GLIS3: variants seen among roughly 807,000 people sequenced by gnomAD.
The protein encoded by GLIS3 is zinc finger protein GLIS3.
Under a neutral mutation model 78.6 loss-of-function variants are expected in GLIS3, and 53 were observed. The ratio of observed to expected loss-of-function variants is 0.67; its 90% CI spans 0.54 to 0.85. GLIS3 has a LOEUF of 0.85. Ranked by LOEUF, GLIS3 falls within the 40% of genes least tolerant of loss-of-function variation. The pLI is 0.00. For synonymous variants in GLIS3, 684 were observed against 509.9 expected, an observed-to-expected ratio of 1.34 and a Z score of -4.60; for missense variants, 1,703 against 1,231.1, an observed-to-expected ratio of 1.38 and a Z score of -5.74.
At chr9:4,270,594 C>G (rs1359497741) in intron 2 of GLIS3, among the ~76,000 whole-genome samples, 1 of 152,188 alleles carries the variant, frequency 6.6e-6, no homozygotes, top group East Asian at 1.9e-4. Flanking sequence ...CCAGAGGTCA[C>G]ACAGGCCTTT....
chr9:4,410,870 C>T, the GLIS3 span, among the ~76,000 whole-genome samples: 1 of 152,124 alleles, frequency 6.6e-6, no homozygotes, highest in Non-Finnish European at 1.5e-5. Flanking sequence ...TTAGTTTTAG[C>T]CACCAGGAAG....
chr9:4,331,042 C>G (rs189311259), intron 2 of GLIS3, among the ~76,000 whole-genome samples: 1 of 152,300 alleles, frequency 6.6e-6, no homozygotes, highest in Admixed American at 6.5e-5. Context: ...CCTGAGCCAT[C>G]TGTATTTGTT....
At chr9:4,214,974 G>C (rs1820689566) in intron 2 of GLIS3, among the ~76,000 whole-genome samples, 1 of 152,220 alleles carries the variant, frequency 6.6e-6, no homozygotes, top group South Asian at 2.1e-4. Flanking sequence ...AGAGTTAAGT[G>C]AGAGAGGGTG....
At chr9:3,873,679 A>T (rs1049687053) in intron 8 of GLIS3, among the ~76,000 whole-genome samples, 16 of 146,546 alleles carry the variant, frequency 1.1e-4, no homozygotes, top group African/African-American at 4.4e-4. Flanking sequence ...AAATAAAGAA[A>T]ATAAAGTCAA....
intron 2 of GLIS3, among the ~76,000 whole-genome samples, chr9:4,334,904 C>CTTTTT (rs56017714): frequency 3.4e-4 from 36 of 107,016 alleles, no homozygotes; most frequent in African/African-American, 1.1e-3. Flanking sequence ...TCATTTCCAC[C>CTTTTT]TTTTTTTTTT....
At chr9:4,156,903 C>A (rs1018999492) in intron 2 of GLIS3, among the ~76,000 whole-genome samples, 3 of 152,178 alleles carry the variant, frequency 2.0e-5, no homozygotes, top group African/African-American at 7.2e-5. Flanking sequence ...TCAGCATCAT[C>A]CTGGAGCTTG....
chr9:3,931,333 A>T (rs1264451625), intron 6 of GLIS3, among the ~76,000 whole-genome samples: 1 of 152,168 alleles, frequency 6.6e-6, no homozygotes, highest in African/African-American at 2.4e-5. Context: ...ATTTCCCAAC[A>T]TAAAAGTGTT....
the GLIS3 span, among the ~76,000 whole-genome samples, chr9:4,414,963 TG>T: frequency 6.6e-6 from 1 of 152,226 alleles, no homozygotes; most frequent in Non-Finnish European, 1.5e-5. Flanking sequence ...AATCCCCACT[TG>T]TTCTTGTATT....
At chr9:4,432,839 T>C in the GLIS3 span, among the ~76,000 whole-genome samples, 1 of 151,766 alleles carries the variant, frequency 6.6e-6, no homozygotes, top group Non-Finnish European at 1.5e-5. Flanking sequence ...TGCAGTTTCA[T>C]CACGTTGCCC....
Position 4,286,263 on chromosome 9 carries a change from C to T in GLIS3, c.163G>A (p.Ala55Thr), listed in dbSNP as rs1220228660. The change falls in exon 2 of 11, where the codon GCT (alanine) becomes ACT (threonine). Residue 55 changes from alanine to threonine, a missense_variant. Coordinates refer to ENST00000381971, the MANE Select transcript of GLIS3 (RefSeq NM_001042413.2). ...GGCATCTTGAGATGGAGGTTGTTAG[C>T]AAGGCTTGCCATAGTGGGACTCGAT... Reference protein sequence around the residue: ...STSSPTMASLANNLHLKMPSG... With the variant: ...STSSPTMASLTNNLHLKMPSG... 7.4e-6 allele frequency: 12 copies of T among 1,614,234 alleles called. No individual in the cohort carries two copies. The highest frequency in any genetic ancestry group is 1.0e-5 in the Non-Finnish European group (12 of 1,180,042).
At chr9:4,292,934 G>C (rs2130405004) in intron 1 of GLIS3, among the ~76,000 whole-genome samples, 1 of 152,312 alleles carries the variant, frequency 6.6e-6, no homozygotes, top group East Asian at 1.9e-4. Context: ...TGATGTCACT[G>C]CTGAATTAAT....
At chr9:4,154,593 A>G (rs1382697232) in intron 2 of GLIS3, among the ~76,000 whole-genome samples, 1 of 130,400 alleles carries the variant, frequency 7.7e-6, no homozygotes, top group Non-Finnish European at 1.6e-5. Flanking sequence ...TTACATAAAC[A>G]GTCCTTGCGA....
intron 2 of GLIS3, among the ~76,000 whole-genome samples, chr9:4,322,078 T>C (rs1817537248): frequency 6.6e-6 from 1 of 152,098 alleles, no homozygotes; most frequent in Non-Finnish European, 1.5e-5. Context: ...CCGCCCTGTG[T>C]CCAAGTGTTC....
intron 2 of GLIS3, among the ~76,000 whole-genome samples, chr9:4,220,633 C>G (rs1821247484): frequency 6.6e-6 from 1 of 152,006 alleles, no homozygotes. Context: ...TGAGGCATGT[C>G]TGGAGTCCCA....
chr9:3,926,936 T>G (rs1408636446), intron 6 of GLIS3, among the ~76,000 whole-genome samples: 1 of 152,218 alleles, frequency 6.6e-6, no homozygotes, highest in East Asian at 1.9e-4. Flanking sequence ...CATTTCTAAA[T>G]TAGTCATTTG....
Position 4,284,518 on chromosome 9 carries a change from G to A in GLIS3, c.388+1520C>T, listed in dbSNP as rs925015811. 3.3e-5 allele frequency among the ~76,000 whole-genome samples: 5 copies of A among 151,960 alleles called. 1 individual carries two copies. Among genetic ancestry groups the A allele is most frequent in the East Asian group, 1.9e-4 (1 of 5,176 alleles). ...GCAACCTATTTTGGATGTAGCCCCAGGGAAACTTTCTCCTATACTTATGCT... is the reference window on the plus strand; with the variant it reads ...GCAACCTATTTTGGATGTAGCCCCAAGGAAACTTTCTCCTATACTTATGCT... On this transcript the variant is annotated intron_variant, in intron 2 of 10. Transcript: ENST00000381971.
At chr9:4,385,797 GAAAGAAAGAAAGAAAAGAA>G in the GLIS3 span, among the ~76,000 whole-genome samples, 355 of 73,338 alleles carry the variant, frequency 4.8e-3, 15 homozygotes, top group African/African-American at 0.023. Context: ...AAGAAAGAAA[GAAAGAAAGAAAGAAAAGAA>G]AGAAAGAGAA....
intron 2 of GLIS3, among the ~76,000 whole-genome samples, chr9:4,340,692 T>C (rs1000428232): frequency 6.6e-6 from 1 of 152,144 alleles, no homozygotes; most frequent in African/African-American, 2.4e-5. Flanking sequence ...TTCTTGTTTT[T>C]GTTTAATTTT....
At chr9:4,105,876 C>T (rs972392825) in intron 4 of GLIS3, among the ~76,000 whole-genome samples, 1 of 152,072 alleles carries the variant, frequency 6.6e-6, no homozygotes, top group Non-Finnish European at 1.5e-5. Flanking sequence ...ATCGGGGTGA[C>T]CCAAGCTGTA....
Sources: allele counts gnomAD v4.1 joint callset (sites outside exome capture counted in the v4.1 genomes callset), GRCh38; gene constraint gnomAD v4.1.1; transcripts MANE v1.5; gene names NCBI Gene and HGNC (gene_info 2026-07-23, HGNC 2026-07-21).